TRAM2: variants seen among roughly 807,000 people sequenced by gnomAD.
TRAM2 encodes translocating chain-associated membrane protein 2.
TRAM2 carries 12 observed loss-of-function variants against 51.0 expected under a neutral mutation model. The observed-to-expected ratio is 0.24, with a 90% confidence interval of 0.15 to 0.38. The LOEUF is 0.38. Ranked by LOEUF, TRAM2 falls within the 10% of genes least tolerant of loss-of-function variation. The pLI, the probability that TRAM2 is intolerant of heterozygous loss-of-function variation, is 1.00. For missense variants in TRAM2, 361 were observed against 462.0 expected (o/e 0.78, Z 2.00); for synonymous variants, 175 against 179.4 (o/e 0.98, Z 0.20).
At chr6:52,505,553 T>C in intron 9 of TRAM2, 46 bp downstream of exon 9, 1 of 1,559,354 alleles carries the variant, frequency 6.4e-7, no homozygotes, top group Non-Finnish European at 8.7e-7. Context: ...TGTGCCAAGT[T>C]CAGGAGGCTC....
chr6:52,516,843 C>T (rs1412920550), intron 2 of TRAM2, 106 bp from the exon 3 acceptor site: 5 of 847,778 alleles, frequency 5.9e-6, no homozygotes, highest in African/African-American at 3.3e-5. Context: ...AAATGCTACC[C>T]GTTTGCTATA....
In TRAM2 at chr6:52,576,833, C is replaced by A. The variant is rs746383393; in HGVS notation, c.83G>T (p.Cys28Phe). Residue 28 changes from cysteine (C) to phenylalanine (F), a missense_variant, in exon 1 of 11, where the codon TGC becomes TTC. Physicochemically the swap from Cys to Phe is radical, Grantham distance 205. Transcript: ENST00000182527. ...VIHNHADIGF[C>F]LVLCVLIGLM... ...CCCGATGAGGACGCAGAGCACCAGGCAGAAGCCGATGTCCGCATGGTTGTG... is the reference window on the plus strand; with the variant it reads ...CCCGATGAGGACGCAGAGCACCAGGAAGAAGCCGATGTCCGCATGGTTGTG... 1.9e-6 allele frequency: 3 copies of A among 1,613,820 alleles called. No individual in the cohort carries two copies. Among genetic ancestry groups the A allele is most frequent in the South Asian group, 2.2e-5 (2 of 91,058 alleles).
intron 1 of TRAM2, among the ~76,000 whole-genome samples, chr6:52,560,919 C>T (rs1369408514): frequency 1.3e-5 from 2 of 152,122 alleles, no homozygotes; most frequent in Admixed American, 6.5e-5. Flanking sequence ...CAACTGAACA[C>T]GACATCCACA....
At chr6:52,511,447 CTGG>C (rs1766450607) in intron 4 of TRAM2, among the ~76,000 whole-genome samples, 1 of 152,182 alleles carries the variant, frequency 6.6e-6, no homozygotes, top group South Asian at 2.1e-4. Context: ...CACAAGCCTT[CTGG>C]TCCAATAACT....
intron 1 of TRAM2, among the ~76,000 whole-genome samples, chr6:52,575,978 CCCTGCCTG>C (rs1446520413): frequency 6.6e-6 from 1 of 152,206 alleles, no homozygotes; most frequent in East Asian, 1.9e-4. Context: ...TTCTACAACT[CCCTGCCTG>C]GGAGGCCGAC....
chr6:52,543,243 C>T (rs1357711403), intron 1 of TRAM2, among the ~76,000 whole-genome samples: 1 of 152,188 alleles, frequency 6.6e-6, no homozygotes, highest in African/African-American at 2.4e-5. Flanking sequence ...CTCACTCACA[C>T]CCACCTGCCC....
intron 1 of TRAM2, among the ~76,000 whole-genome samples, chr6:52,537,797 C>T (rs566520778): frequency 4.6e-5 from 7 of 152,170 alleles, no homozygotes; most frequent in African/African-American, 7.2e-5. Flanking sequence ...TGCTCAGTAA[C>T]GGCTCATTGC....
At chr6:52,504,926 TTCAG>T (rs1766318330) in intron 9 of TRAM2, among the ~76,000 whole-genome samples, 172 bp from the exon 10 acceptor site, 2 of 152,330 alleles carry the variant, frequency 1.3e-5, no homozygotes, top group African/African-American at 2.4e-5. Flanking sequence ...GAATGTGTGC[TTCAG>T]TCAGTCTCTG....
At chr6:52,526,570 A>G (rs1470029226) in intron 2 of TRAM2, among the ~76,000 whole-genome samples, 1 of 151,992 alleles carries the variant, frequency 6.6e-6, no homozygotes, top group Admixed American at 6.6e-5. Context: ...TGCATTTTTA[A>G]TAGAGACTGG....
At chr6:52,517,940 C>T (rs537741291) in intron 2 of TRAM2, among the ~76,000 whole-genome samples, 1 of 152,326 alleles carries the variant, frequency 6.6e-6, no homozygotes, top group South Asian at 2.1e-4. Context: ...AGAACATGAT[C>T]TTGGAAATCA....
At chr6:52,528,186 T>C (rs1272632467) in intron 2 of TRAM2, among the ~76,000 whole-genome samples, 1 of 152,116 alleles carries the variant, frequency 6.6e-6, no homozygotes, top group African/African-American at 2.4e-5. Context: ...AGCCCCTCCT[T>C]GGCTCTCGCT....
intron 4 of TRAM2, among the ~76,000 whole-genome samples, chr6:52,511,628 G>C (rs1183816892): frequency 6.6e-6 from 1 of 152,150 alleles, no homozygotes; most frequent in Non-Finnish European, 1.5e-5. Context: ...TTGTCTATTA[G>C]GATCTTTAGT....
Position 52,503,311 on chromosome 6 carries a change from T to C in TRAM2, c.1040-41A>G, listed in dbSNP as rs958500548. 5.7e-6 allele frequency: 9 copies of C among 1,573,562 alleles called. No homozygotes were observed. In the Admixed American group the frequency reaches 8.3e-5, roughly 15 times the overall value. On this transcript the variant is annotated intron_variant, in intron 10 of 10. Transcript: ENST00000182527. Reference sequence around the variant, plus strand: ...AGACAAGCATACATGGTGTTTCTGCTGGAGCTAAGGCAGAAGAGGGGAGGG... The same window carrying C: ...AGACAAGCATACATGGTGTTTCTGCCGGAGCTAAGGCAGAAGAGGGGAGGG...
At chr6:52,547,462 G>A (rs558298896) in intron 1 of TRAM2, among the ~76,000 whole-genome samples, 3 of 152,296 alleles carry the variant, frequency 2.0e-5, no homozygotes, top group South Asian at 2.1e-4. Flanking sequence ...TGGAGAAGAC[G>A]CTCAATAAAC....
At chr6:52,554,028 C>T (rs1767357099) in intron 1 of TRAM2, among the ~76,000 whole-genome samples, 2 of 152,156 alleles carry the variant, frequency 1.3e-5, no homozygotes, top group African/African-American at 4.8e-5. Context: ...ACACCCCAAC[C>T]TGCCAGCCCT....
chr6:52,497,571 C>G lies in TRAM2; in HGVS notation c.*5626G>C, dbSNP rs1221924662. Reference sequence around the variant, plus strand: ...TCACCAAAAGCAAAAAGACACCCCTCCCCCCAACCCTTTTTTACATGAAAG... The same window carrying G: ...TCACCAAAAGCAAAAAGACACCCCTGCCCCCAACCCTTTTTTACATGAAAG... On this transcript the variant is annotated 3_prime_UTR_variant, in exon 11 of 11. Coordinates refer to ENST00000182527, the MANE Select transcript of TRAM2 (RefSeq NM_012288.4). 3.9e-5 allele frequency: 6 copies of G among 152,224 alleles called. No individual in the cohort carries two copies. The highest frequency in any genetic ancestry group is 7.4e-5 in the Non-Finnish European group (5 of 67,978). 9.4% of individuals were successfully genotyped at this position (152,224 alleles called of 1,614,324 possible).
At chr6:52,574,656 G>T (rs566342235) in intron 1 of TRAM2, among the ~76,000 whole-genome samples, 21 of 152,214 alleles carry the variant, frequency 1.4e-4, no homozygotes, top group Non-Finnish European at 2.2e-4. Flanking sequence ...CAAGCCTAAG[G>T]GGGAGGAAGA....
At chr6:52,510,285 G>A (rs1296432880) in intron 4 of TRAM2, among the ~76,000 whole-genome samples, 3 of 152,182 alleles carry the variant, frequency 2.0e-5, no homozygotes, top group African/African-American at 7.2e-5. Flanking sequence ...ATGGGGTGGG[G>A]ATGGCAACAT....
chr6:52,507,413 A>G lies in TRAM2; in HGVS notation c.626+140T>C, dbSNP rs973238188. On this transcript the variant is annotated intron_variant, in intron 7 of 10. Transcript: ENST00000182527. Reference sequence around the variant, plus strand: ...TGAAGATAAAGAATCTTCCATTACCATCTTTGTATTGCCAAGTCTTAGCAT... The same window carrying G: ...TGAAGATAAAGAATCTTCCATTACCGTCTTTGTATTGCCAAGTCTTAGCAT... 5 of 778,994 alleles carry G rather than the reference A, an allele frequency of 6.4e-6. No individual in the cohort carries two copies. The African/African-American group carries it at 7.0e-5, about 11-fold the overall frequency. 48.3% of individuals were successfully genotyped at this position (778,994 alleles called of 1,614,324 possible).
Sources: gnomAD v4.1 joint callset for allele counts (sites outside exome capture counted in the v4.1 genomes callset) on GRCh38, gnomAD v4.1.1 for gene constraint, MANE v1.5 for transcripts, NCBI Gene and HGNC (gene_info 2026-07-23, HGNC 2026-07-21) for gene names.